PLCB2: variants seen among roughly 807,000 people sequenced by gnomAD.
PLCB2 encodes the protein phospholipase C beta 2.
PLCB2 carries 115 observed loss-of-function variants against 141.7 expected under a neutral mutation model. That is an observed-to-expected ratio of 0.81 (90% CI 0.70 to 0.95). The LOEUF is 0.95. Among genes scored for constraint, PLCB2 ranks in the 40% least tolerant of loss-of-function variants. The pLI is 0.00. For synonymous variants in PLCB2, 603 were observed against 595.6 expected, an observed-to-expected ratio of 1.01 and a Z score of -0.18; for missense variants, 1,403 against 1,541.1, an observed-to-expected ratio of 0.91 and a Z score of 1.50.
At chr15:40,285,429 C>T, downstream of PLCB2, 1 of 726,162 alleles carries the variant, frequency 1.4e-6, no homozygotes, top group Non-Finnish European at 1.7e-6. Flanking sequence ...CTGCTTTACA[C>T]AAGAACAAGT....
chr15:40,296,246 G>A, intron 16 of PLCB2, 50 bp downstream of exon 16: 2 of 1,409,034 alleles, frequency 1.4e-6, no homozygotes, highest in Non-Finnish European at 2.0e-6. Context: ...CAAGGAAGGG[G>A]GAGATCCCCC....
At chr15:40,307,013 T>C (rs1050047066) in intron 1 of PLCB2, among the ~76,000 whole-genome samples, 2 of 152,286 alleles carry the variant, frequency 1.3e-5, no homozygotes, top group Admixed American at 1.3e-4. Context: ...CGGGGAGCAA[T>C]GCTGAGCCCA....
In PLCB2 at chr15:40,293,729, G is replaced by A; in HGVS notation, c.2062-5C>T. On this transcript the variant is annotated splice_region_variant and splice_polypyrimidine_tract_variant and intron_variant, in intron 19 of 31. Transcript: ENST00000260402. ...CAGGAACTGCCCAGAGATCACCTGG[G>A]GGTAGGGGCCCAGGAAAACCAGCAT... 6.2e-7 allele frequency: 1 copy of A among 1,603,284 alleles called. No homozygotes were observed. Among genetic ancestry groups the A allele is most frequent in the Non-Finnish European group, 8.5e-7 (1 of 1,171,434 alleles).
rs768567603 is a variant in PLCB2, at chr15:40,297,653, C to G, written c.1239-48G>C. ...TGGGGTTCAGCCGCTCAGCACCAAC[C>G]CTATTATGCATCCTTTTGTGCCCTT... On this transcript the variant is annotated intron_variant, in intron 12 of 31. Coordinates refer to ENST00000260402, the MANE Select transcript of PLCB2 (RefSeq NM_004573.3). This position sits in a 1 kb window ranked among gnomAD's most constrained non-coding sequence, Gnocchi z 4.2. The G allele has an allele frequency of 1.4e-6, 2 of 1,473,506 alleles. No homozygotes were observed. Among genetic ancestry groups the G allele is most frequent in the Admixed American group, 1.7e-5 (1 of 59,236 alleles). The allele number at this position is 1,473,506 out of a possible 1,614,324, so 91.3% of individuals were successfully genotyped here.
At chr15:40,296,451 C>T in intron 15 of PLCB2, 59 bp from the exon 16 acceptor site, 1 of 1,612,976 alleles carries the variant, frequency 6.2e-7, no homozygotes, top group Non-Finnish European at 8.5e-7. Context: ...AGGAATGGGG[C>T]CCAAGGCCCC....
Position 40,307,813 on chromosome 15 carries a change from A to T in PLCB2, c.-141T>A, listed in dbSNP as rs376360229. Reference sequence around the variant, plus strand: ...CTGCTCCAGAAATCTAGTTGCTCTTATAGCCCCTGGGGTGGCCCTGGCTGA... The same window carrying T: ...CTGCTCCAGAAATCTAGTTGCTCTTTTAGCCCCTGGGGTGGCCCTGGCTGA... On this transcript the variant is annotated 5_prime_UTR_variant, in exon 1 of 32. An upstream open reading frame in the 5' UTR loses its in-frame stop. Coordinates refer to ENST00000260402, the MANE Select transcript of PLCB2 (RefSeq NM_004573.3). The T allele has an allele frequency of 9.1e-3, 5,684 of 627,772 alleles. 102 individuals carry two copies. The highest frequency in any genetic ancestry group is 0.045 in the South Asian group (1,920 of 42,968). 38.9% of individuals were successfully genotyped at this position (627,772 alleles called of 1,614,324 possible). A position where few individuals can be genotyped will look rare whatever the true frequency, so the allele number is the denominator to read the frequency against.
At chr15:40,286,266 C>T (rs558769938), downstream of PLCB2, among the ~76,000 whole-genome samples, 2 of 152,254 alleles carry the variant, frequency 1.3e-5, no homozygotes, top group South Asian at 4.1e-4. Context: ...GTCCCACCTG[C>T]TGGGCCTGTC....
chr15:40,284,836 CAAAA>C (rs56397946), downstream of PLCB2, among the ~76,000 whole-genome samples: 501 of 74,816 alleles, frequency 6.7e-3, 4 homozygotes, highest in African/African-American at 0.032. Context: ...GAGACTCCGT[CAAAA>C]AAAAAAAAAA....
chr15:40,304,649 G>A (rs964705858), intron 1 of PLCB2, among the ~76,000 whole-genome samples: 1 of 152,086 alleles, frequency 6.6e-6, no homozygotes, highest in Non-Finnish European at 1.5e-5. Context: ...TAACCGGGGG[G>A]ATGTGAGTCA....
At chr15:40,296,173 G>T in intron 16 of PLCB2, 123 bp downstream of exon 16, 1 of 699,014 alleles carries the variant, frequency 1.4e-6, no homozygotes, top group Non-Finnish European at 2.4e-6. Flanking sequence ...GGGAGCCACT[G>T]CCACTTAAGC....
chr15:40,284,861 A>AC (rs2039588795), downstream of PLCB2, among the ~76,000 whole-genome samples: 3 of 149,678 alleles, frequency 2.0e-5, no homozygotes, highest in South Asian at 6.4e-4. Flanking sequence ...AAAAAAAAAA[A>AC]AAAGGAAGTA....
intron 21 of PLCB2, 59 bp downstream of exon 21, chr15:40,292,867 C>T: frequency 8.7e-7 from 1 of 1,144,672 alleles, no homozygotes. Flanking sequence ...GAAGCTGCCC[C>T]ACCCTGTGCA....
chr15:40,295,912 T>G (rs1256983739), intron 16 of PLCB2, among the ~76,000 whole-genome samples: 1 of 152,148 alleles, frequency 6.6e-6, no homozygotes, highest in Non-Finnish European at 1.5e-5. Context: ...AGGGGAAGCA[T>G]GCAAAGGGGC....
Position 40,288,150 on chromosome 15 carries a change from C to T in PLCB2, c.*565G>A, listed in dbSNP as rs2141017394. 1 of 985,576 alleles carries T rather than the reference C, an allele frequency of 1.0e-6. No individual in the cohort carries two copies. The highest frequency in any genetic ancestry group is 1.7e-5 in the African/African-American group (1 of 57,372). 61.1% of individuals were successfully genotyped at this position (985,576 alleles called of 1,614,324 possible). On this transcript the variant is annotated 3_prime_UTR_variant, in exon 32 of 32. Transcript: ENST00000260402. ...GGCCAAGGCAGCTTTTCCATTTCAG[C>T]CTCCCGTTCCGGACAGGCAGAGGGG... is the stretch of plus-strand genomic sequence containing the variant.
chr15:40,302,284 G>A lies in PLCB2; in HGVS notation c.438C>T (p.Thr146=). ...AGGGCACTTACATCTTGTCCAGGAA[G>A]GTGCTGCGGGAGGCGTTGGCCGTCA... ...HPLTANASRS[T]FLDKILVKLK... is the part of the protein sequence containing the mutation. Residue 146 remains threonine, a synonymous_variant, in exon 5 of 32, where the codon ACC becomes ACT. Coordinates refer to ENST00000260402, the MANE Select transcript of PLCB2 (RefSeq NM_004573.3). 6.2e-7 allele frequency: 1 copy of A among 1,614,152 alleles called. No individual in the cohort carries two copies. Among genetic ancestry groups the A allele is most frequent in the Non-Finnish European group, 8.5e-7 (1 of 1,180,006 alleles).
Position 40,291,598 on chromosome 15 carries a change from G to A in PLCB2, c.2647+8C>T. On this transcript the variant is annotated splice_region_variant and intron_variant, in intron 25 of 31. Coordinates refer to ENST00000260402, the MANE Select transcript of PLCB2 (RefSeq NM_004573.3). ...ATCCCCGAGATCACCGGGCTCAGCA[G>A]GCCTTACCCGCAGCTTCTTTCATAG... is the stretch of plus-strand genomic sequence containing the variant. 1 of 1,613,364 alleles carries A rather than the reference G, an allele frequency of 6.2e-7. No homozygotes were observed. Among genetic ancestry groups the A allele is most frequent in the Non-Finnish European group, 8.5e-7 (1 of 1,179,874 alleles).
chr15:40,286,592 G>A (rs147694607), downstream of PLCB2, among the ~76,000 whole-genome samples: 8 of 152,314 alleles, frequency 5.3e-5, no homozygotes, highest in South Asian at 2.1e-4. Context: ...GGCATGATGC[G>A]TGAAGGGAGC....
chr15:40,285,103 C>G (rs1334101020), downstream of PLCB2, among the ~76,000 whole-genome samples: 2 of 152,214 alleles, frequency 1.3e-5, no homozygotes, highest in Non-Finnish European at 2.9e-5. Context: ...AACCCCTTGC[C>G]TCTCTCCAGC....
intron 20 of PLCB2, 87 bp from the exon 21 acceptor site, chr15:40,293,112 G>T: frequency 1.3e-6 from 1 of 789,382 alleles, no homozygotes; most frequent in Non-Finnish European, 2.1e-6. Flanking sequence ...CTCAGCATCA[G>T]TGTGAGAACA....
Sources: gnomAD v4.1 joint callset for allele counts (sites outside exome capture counted in the v4.1 genomes callset) on GRCh38, gnomAD v4.1.1 for gene constraint, Gnocchi (gnomAD v3.1) non-coding constraint, MANE v1.5 for transcripts, NCBI Gene and HGNC (gene_info 2026-07-23, HGNC 2026-07-21) for gene names.